The following MCUB variants were observed in gnomAD, a reference collection of about 807,000 sequenced individuals.
MCUB encodes calcium uniporter regulatory subunit MCUb, mitochondrial.
Under a neutral mutation model 41.4 loss-of-function variants are expected in MCUB, and 46 were observed. That is an observed-to-expected ratio of 1.11 (90% CI 0.88 to 1.42). The LOEUF (loss-of-function observed/expected upper bound fraction) is 1.42, where lower values mean the gene tolerates loss of function less well. Among genes scored for constraint, MCUB ranks in the 40% most tolerant of loss-of-function variants. The pLI is 0.00. For missense variants in MCUB, 403 were observed against 404.9 expected (o/e 1.00, Z 0.04); for synonymous variants, 148 against 148.2 (o/e 1.00, Z 0.01).
intron 1 of MCUB, among the ~76,000 whole-genome samples, chr4:109,579,932 G>GTGCA (rs1455917758): frequency 1.3e-5 from 2 of 152,014 alleles, no homozygotes; most frequent in African/African-American, 4.8e-5. Flanking sequence ...TGTGCACAAC[G>GTGCA]TGCAGTTTGT....
chr4:109,585,257 C>A (rs1035190698), intron 1 of MCUB, among the ~76,000 whole-genome samples: 1 of 152,136 alleles, frequency 6.6e-6, no homozygotes, highest in Non-Finnish European at 1.5e-5. Context: ...TTATCAGAGA[C>A]TAGGATTGCA....
intron 1 of MCUB, among the ~76,000 whole-genome samples, chr4:109,587,585 A>G (rs1020738984): frequency 2.0e-5 from 3 of 152,222 alleles, no homozygotes; most frequent in African/African-American, 7.2e-5. Context: ...CTATTCGTCC[A>G]TCTTGGAACG....
At chr4:109,636,985 G>C (rs1356291077) in intron 1 of MCUB, among the ~76,000 whole-genome samples, 1 of 152,206 alleles carries the variant, frequency 6.6e-6, no homozygotes, top group Non-Finnish European at 1.5e-5. Flanking sequence ...TGATGGGGCA[G>C]AAGCCAGATT....
intron 1 of MCUB, among the ~76,000 whole-genome samples, chr4:109,651,381 A>G (rs376520980): frequency 2.6e-4 from 39 of 152,306 alleles, no homozygotes; most frequent in African/African-American, 9.1e-4. Flanking sequence ...ATCCATGCCC[A>G]GCCCTAGAAT....
In MCUB at chr4:109,646,619, A is replaced by C. The variant is rs117565650; in HGVS notation, c.100-12392A>C. On this transcript the variant is annotated intron_variant, in intron 1 of 7. Transcript: ENST00000394650. ...TCCTTATTACACTTTAACAAAATAAAAGCTTGTGGACAATGAGATGCTACA... is the reference window on the plus strand; with the variant it reads ...TCCTTATTACACTTTAACAAAATAACAGCTTGTGGACAATGAGATGCTACA... 3.9e-5 allele frequency among the ~76,000 whole-genome samples: 6 copies of C among 152,306 alleles called. No individual in the cohort carries two copies. The East Asian group carries it at 9.6e-4, about 24-fold the overall frequency.
intron 1 of MCUB, among the ~76,000 whole-genome samples, chr4:109,616,466 A>T (rs547358661): frequency 1.3e-4 from 20 of 152,186 alleles, no homozygotes; most frequent in Non-Finnish European, 2.6e-4. Context: ...ACCCAACAGA[A>T]TAACCAGCTG....
chr4:109,613,983 G>A (rs527887323), intron 1 of MCUB, among the ~76,000 whole-genome samples: 27 of 152,244 alleles, frequency 1.8e-4, no homozygotes, highest in Non-Finnish European at 3.2e-4. Context: ...TTGTGCTTGT[G>A]TGCATGAGTT....
chr4:109,634,529 T>G (rs1324249104), intron 1 of MCUB, among the ~76,000 whole-genome samples: 1 of 151,558 alleles, frequency 6.6e-6, no homozygotes, highest in African/African-American at 2.4e-5. Flanking sequence ...TCCGTTTTAG[T>G]CACTACCTAA....
chr4:109,621,603 G>A (rs929167394), intron 1 of MCUB, among the ~76,000 whole-genome samples: 1 of 152,154 alleles, frequency 6.6e-6, no homozygotes, highest in African/African-American at 2.4e-5. Flanking sequence ...CTGAGAGAAA[G>A]GAACGTAATG....
chr4:109,624,082 G>A (rs1728311865), intron 1 of MCUB, among the ~76,000 whole-genome samples: 1 of 152,002 alleles, frequency 6.6e-6, no homozygotes, highest in South Asian at 2.1e-4. Flanking sequence ...TAAACTCCTG[G>A]ACTGAAGCAG....
intron 1 of MCUB, among the ~76,000 whole-genome samples, chr4:109,649,087 T>G (rs556858360): frequency 3.9e-5 from 6 of 152,356 alleles, no homozygotes; most frequent in Admixed American, 3.9e-4. Context: ...AGCTGAGTAG[T>G]GCCTTCAATG....
intron 1 of MCUB, among the ~76,000 whole-genome samples, chr4:109,623,105 T>C (rs891204316): frequency 1.3e-5 from 2 of 152,190 alleles, no homozygotes; most frequent in African/African-American, 4.8e-5. Context: ...TTAATGGCCA[T>C]TGCACAAGAG....
intron 1 of MCUB, among the ~76,000 whole-genome samples, chr4:109,610,638 G>A (rs765082913): frequency 8.5e-5 from 13 of 152,082 alleles, no homozygotes; most frequent in East Asian, 1.9e-4. Flanking sequence ...TAACAGTCAC[G>A]CGTCTTTTAA....
intron 1 of MCUB, among the ~76,000 whole-genome samples, chr4:109,635,823 C>T (rs1006064863): frequency 1.3e-5 from 2 of 152,110 alleles, no homozygotes; most frequent in Non-Finnish European, 2.9e-5. Context: ...TCCACTCATC[C>T]GAGCCGTATC....
chr4:109,593,124 T>C (rs144691401), intron 1 of MCUB, among the ~76,000 whole-genome samples: 1 of 152,322 alleles, frequency 6.6e-6, no homozygotes, highest in African/African-American at 2.4e-5. Flanking sequence ...TATAAATGCG[T>C]GCATCTTTCT....
chr4:109,572,240 G>A (rs1726931664), intron 1 of MCUB, among the ~76,000 whole-genome samples: 1 of 152,226 alleles, frequency 6.6e-6, no homozygotes, highest in South Asian at 2.1e-4. Context: ...TACACACTAA[G>A]GAAGAGAGAG....
In MCUB at chr4:109,687,952, G is replaced by GAATCAAAA. The variant is rs1561254862; in HGVS notation, c.*360_*361insAATCAAAA. The GAATCAAAA allele has an allele frequency of 2.4e-5, 4 of 169,038 alleles. No homozygotes were observed. The highest frequency in any genetic ancestry group is 9.5e-5 in the African/African-American group (4 of 42,018). 10.5% of individuals were successfully genotyped at this position (169,038 alleles called of 1,614,324 possible). A position where few individuals can be genotyped will look rare whatever the true frequency, so the allele number is the denominator to read the frequency against. ...TCCTTTTAAAAAAATCAGAGACCAG[G>GAATCAAAA]TCTTGCCAAATCAAACTCCTGGGCT... On this transcript the variant is annotated 3_prime_UTR_variant, in exon 8 of 8. Transcript: ENST00000394650.
At chr4:109,622,667 A>G (rs1295550777) in intron 1 of MCUB, among the ~76,000 whole-genome samples, 4 of 152,230 alleles carry the variant, frequency 2.6e-5, no homozygotes, top group African/African-American at 7.2e-5. Context: ...TAAGTTATAT[A>G]TATGCCTCCA....
intron 4 of MCUB, among the ~76,000 whole-genome samples, chr4:109,674,756 A>G (rs1729535504): frequency 6.6e-6 from 1 of 152,246 alleles, no homozygotes. Flanking sequence ...TGCAAATTAT[A>G]TTTTTGCTGC....
Sources: gnomAD v4.1 joint callset for allele counts (sites outside exome capture counted in the v4.1 genomes callset) on GRCh38, gnomAD v4.1.1 for gene constraint, MANE v1.5 for transcripts, NCBI Gene and HGNC (gene_info 2026-07-23, HGNC 2026-07-21) for gene names.